Variants in OSMR observed in about 807,000 individuals in gnomAD.
The protein encoded by OSMR is oncostatin-M-specific receptor subunit beta.
Under a neutral mutation model 99.9 loss-of-function variants are expected in OSMR, and 81 were observed. The ratio of observed to expected loss-of-function variants is 0.81; its 90% CI spans 0.68 to 0.97. OSMR has a LOEUF of 0.97. Among genes scored for constraint, OSMR ranks in the 50% least tolerant of loss-of-function variants. The pLI, the probability that OSMR is intolerant of heterozygous loss-of-function variation, is 0.00. For synonymous variants in OSMR, 406 were observed against 410.4 expected (o/e 0.99, Z 0.13); for missense variants, 1,099 against 1,153.4 (o/e 0.95, Z 0.68).
intron 9 of OSMR, among the ~76,000 whole-genome samples, chr5:38,912,573 A>G (rs1305911510): frequency 1.3e-5 from 2 of 152,212 alleles, no homozygotes; most frequent in East Asian, 3.8e-4. Flanking sequence ...GAAAAAAACT[A>G]TTCAAAAAAT....
intron 9 of OSMR, among the ~76,000 whole-genome samples, chr5:38,916,101 A>G (rs970880686): frequency 3.3e-5 from 5 of 152,372 alleles, no homozygotes; most frequent in Middle Eastern, 3.4e-3. Flanking sequence ...TATGTGGAAT[A>G]CAGAGTATTA....
Position 38,919,180 on chromosome 5 carries a change from C to T in OSMR, c.1585+118C>T, listed in dbSNP as rs1458219372. ...CTTAGGAAGACAAAATGTCTAGTCA[C>T]TAAACAGTCATTTTCTTTTGGGCCA... On this transcript the variant is annotated intron_variant, in intron 11 of 17. Transcript: ENST00000274276. 8 of 1,546,206 alleles carry T rather than the reference C, an allele frequency of 5.2e-6. No homozygotes were observed. In the South Asian group the frequency reaches 7.2e-5, roughly 14 times the overall value.
chr5:38,856,384 C>T (rs542348561), intron 1 of OSMR, among the ~76,000 whole-genome samples: 1 of 152,244 alleles, frequency 6.6e-6, no homozygotes, highest in East Asian at 1.9e-4. Context: ...ACTCATCTTC[C>T]CTCTGTCTGT....
At chr5:38,940,956 C>T (rs898527912) in intron 1 of OSMR, 4 of 232,434 alleles carry the variant, frequency 1.7e-5, no homozygotes, top group Non-Finnish European at 3.4e-5. Flanking sequence ...AAAAAAGAAT[C>T]CTAATCAGTC....
chr5:38,879,336 G>GT (rs1743079530), intron 3 of OSMR, among the ~76,000 whole-genome samples: 1 of 152,212 alleles, frequency 6.6e-6, no homozygotes, highest in Non-Finnish European at 1.5e-5. Flanking sequence ...CTCAGGTTTT[G>GT]TTTTTTTATC....
intron 14 of OSMR, 57 bp downstream of exon 14, chr5:38,924,652 C>G: frequency 3.7e-6 from 5 of 1,351,016 alleles, no homozygotes; most frequent in Non-Finnish European, 5.3e-6. Flanking sequence ...TATTTGAAAT[C>G]ATTTAAAATA....
rs763780387 is a variant in OSMR at position 38,883,795 on chromosome 5, G to A, written c.419-32G>A. On this transcript the variant is annotated intron_variant, in intron 4 of 17. Transcript: ENST00000274276. Reference sequence around the variant, plus strand: ...TTTAAGAGGCTTGAATTTTGAGTGCGATTCTAACTTGGCTATTTTTTTTTC... The same window carrying A: ...TTTAAGAGGCTTGAATTTTGAGTGCAATTCTAACTTGGCTATTTTTTTTTC... 17 of 1,611,800 alleles carry A rather than the reference G, an allele frequency of 1.1e-5. 1 individual carries two copies. The South Asian group carries it at 1.3e-4, about 13-fold the overall frequency.
rs1746383881 is a variant in OSMR, at chr5:38,924,543, G to A, written c.1992G>A (p.Leu664=). 1 of 1,614,142 alleles carries A rather than the reference G, an allele frequency of 6.2e-7. No homozygotes were observed. Among genetic ancestry groups the A allele is most frequent in the African/African-American group, 1.3e-5 (1 of 75,046 alleles). The change falls in exon 14 of 18, where the codon CTG becomes CTA. Residue 664 remains leucine (L), a synonymous_variant. Coordinates refer to ENST00000274276, the MANE Select transcript of OSMR (RefSeq NM_003999.3). ...PGFIQGYHVY[L]KSKARQCHPR... ...TTATACAAGGGTACCATGTCTATCT[G>A]AAATCCAAGGCGAGGCAGTGCCACC... is the stretch of plus-strand genomic sequence containing the variant.
chr5:38,847,818 C>A (rs181698187), intron 1 of OSMR, among the ~76,000 whole-genome samples: 113 of 152,268 alleles, frequency 7.4e-4, no homozygotes, highest in African/African-American at 2.5e-3. Flanking sequence ...TTTGTCCCAG[C>A]AGGTGTGGCT....
intron 1 of OSMR, chr5:38,940,696 G>A (rs1561427425): frequency 4.3e-6 from 1 of 232,834 alleles, no homozygotes; most frequent in Non-Finnish European, 8.5e-6. Flanking sequence ...TCACTGAAGT[G>A]CAGTCAAAGA....
At chr5:38,908,282 ACCACTG>A (rs1326393311) in intron 9 of OSMR, among the ~76,000 whole-genome samples, 1 of 152,092 alleles carries the variant, frequency 6.6e-6, no homozygotes, top group Non-Finnish European at 1.5e-5. Context: ...TCCTGCCTCC[ACCACTG>A]CCAGTACCAG....
intron 14 of OSMR, among the ~76,000 whole-genome samples, chr5:38,924,834 C>T (rs1746398535): frequency 6.6e-6 from 1 of 151,986 alleles, no homozygotes; most frequent in Admixed American, 6.6e-5. Context: ...ATCTGAAACA[C>T]CACCAGCTCC....
rs532142986 is a variant in OSMR, at chr5:38,862,644, G to A, written c.-13-6388G>A. The stretch of plus-strand genomic sequence containing the variant: ...AGGCGCTCCTCACATCCCAGACGGG[G>A]CGGCAGGGCAGAGGCGCTCCCCACA... On this transcript the variant is annotated intron_variant, in intron 1 of 17. Transcript: ENST00000274276. 9.4e-3 allele frequency among the ~76,000 whole-genome samples: 1,425 copies of A among 150,984 alleles called. 13 individuals are homozygous for A. The highest frequency in any genetic ancestry group is 0.016 in the Non-Finnish European group (1,094 of 67,376).
intron 7 of OSMR, among the ~76,000 whole-genome samples, chr5:38,890,211 A>G (rs1347569336): frequency 6.6e-6 from 1 of 152,248 alleles, no homozygotes; most frequent in South Asian, 2.1e-4. Flanking sequence ...GACCAGAAGC[A>G]TCAGTATCAC....
chr5:38,901,918 G>C (rs573730848), intron 7 of OSMR, among the ~76,000 whole-genome samples: 1 of 152,166 alleles, frequency 6.6e-6, no homozygotes, highest in Non-Finnish European at 1.5e-5. Context: ...CCTACCAGCT[G>C]CTGGGCCTCA....
intron 1 of OSMR, among the ~76,000 whole-genome samples, chr5:38,861,575 C>G (rs894488562): frequency 5.3e-5 from 8 of 152,260 alleles, no homozygotes; most frequent in African/African-American, 1.9e-4. Flanking sequence ...ACCTTTCCCC[C>G]CTCTCTATTC....
chr5:38,852,710 T>C (rs1387876378), intron 1 of OSMR, among the ~76,000 whole-genome samples: 2 of 145,000 alleles, frequency 1.4e-5, no homozygotes, highest in Non-Finnish European at 1.5e-5. Flanking sequence ...ATTGAAACTA[T>C]TGTTTTCATT....
chr5:38,933,024 C>T lies in OSMR; in HGVS notation c.2520C>T (p.Leu840=), dbSNP rs748948009. The stretch of plus-strand genomic sequence containing the variant: ...TGACTAAGCCTAACTACCTTTATCT[C>T]CTTCCAACAGAAAAGAATCACTCTG... The part of the protein sequence containing the change: ...TELTKPNYLY[L]LPTEKNHSGP... Residue 840 remains leucine (L), a synonymous_variant, in exon 18 of 18, where the codon CTC becomes CTT. Transcript: ENST00000274276. The T allele has an allele frequency of 5.0e-6, 8 of 1,614,038 alleles. No individual in the cohort carries two copies. In the Admixed American group the frequency reaches 1.3e-4, roughly 27 times the overall value.
chr5:38,924,877 C>CTTT (rs3056139), intron 14 of OSMR, among the ~76,000 whole-genome samples: 41,303 of 148,822 alleles, frequency 0.28, 5,769 homozygotes, highest in East Asian at 0.32. Context: ...AAACTTTCCT[C>CTTT]TTTTTTTTTT....
Sources: allele counts gnomAD v4.1 joint callset (sites outside exome capture counted in the v4.1 genomes callset), GRCh38; gene constraint gnomAD v4.1.1; transcripts MANE v1.5; gene names NCBI Gene and HGNC (gene_info 2026-07-23, HGNC 2026-07-21).